Variants in FAM184B observed in about 807,000 individuals in gnomAD.
FAM184B encodes family with sequence similarity 184 member B.
A neutral mutation model predicts 135.9 loss-of-function variants in FAM184B; 111 were observed. The observed-to-expected ratio is 0.82, with a 90% CI of 0.70 to 0.96. The LOEUF is 0.96. Ranked by LOEUF, FAM184B falls within the 40% of genes least tolerant of loss-of-function variation. FAM184B has a pLI of 0.00. For missense variants in FAM184B, 1,375 were observed against 1,323.9 expected (o/e 1.04, Z -0.60); for synonymous variants, 552 against 524.8 (o/e 1.05, Z -0.71).
chr4:17,709,031 G>T lies in FAM184B; in HGVS notation c.755C>A (p.Ser252Ter), dbSNP rs1429898720. The change falls in exon 2 of 18, where the codon TCG (serine) becomes TAG (stop). Residue 252 changes from serine to a stop codon, truncating the protein, a stop_gained. Coordinates refer to ENST00000265018, the MANE Select transcript of FAM184B (RefSeq NM_015688.2). LOFTEE classifies it high-confidence loss of function. ...QALWQWQEKE[S>*]DLRKNFQVQE... ...GACCTGGAAGTTCTTGCGGAGGTCC[G>T]ACTCCTTCTCCTGCCACTGCCACAG... 2 of 1,550,084 alleles carry T rather than the reference G, an allele frequency of 1.3e-6. No homozygotes were observed. The highest frequency in any genetic ancestry group is 1.7e-6 in the Non-Finnish European group (2 of 1,146,930).
intron 7 of FAM184B, among the ~76,000 whole-genome samples, chr4:17,666,077 C>G (rs1716041667): frequency 6.6e-6 from 1 of 152,136 alleles, no homozygotes; most frequent in Admixed American, 6.6e-5. Flanking sequence ...ATTCTTTGCT[C>G]CCTCACTTCA....
At chr4:17,775,404 C>G (rs1409978179) in intron 1 of FAM184B, among the ~76,000 whole-genome samples, 1 of 152,132 alleles carries the variant, frequency 6.6e-6, no homozygotes, top group African/African-American at 2.4e-5. Context: ...CCAGGATGGT[C>G]TCCGTCTCCT....
intron 1 of FAM184B, among the ~76,000 whole-genome samples, chr4:17,720,751 T>C (rs2108972082): frequency 6.6e-6 from 1 of 151,100 alleles, no homozygotes; most frequent in Non-Finnish European, 1.5e-5. Flanking sequence ...CTGGGTGTGG[T>C]GGTGCACCCC....
At position 17,631,528 on chromosome 4, in the gene FAM184B, TATGGTC is replaced by T. The variant is rs1714943943; in HGVS notation, c.*998_*1003del. 6.6e-6 allele frequency: 1 copy of T among 152,262 alleles called. No individual in the cohort carries two copies. The highest frequency in any genetic ancestry group is 1.5e-5 in the Non-Finnish European group (1 of 68,044). 9.4% of individuals were successfully genotyped at this position (152,262 alleles called of 1,614,324 possible). ...CCTTCACAAGTGATCATGTTGGCACTATGGTCATTACACTGAGACCTATAACTGGGC... is the reference window on the plus strand; with the variant it reads ...CCTTCACAAGTGATCATGTTGGCACTATTACACTGAGACCTATAACTGGGC... On this transcript the variant is annotated 3_prime_UTR_variant, in exon 18 of 18. Transcript: ENST00000265018.
chr4:17,743,851 G>A (rs1386116909), intron 1 of FAM184B, among the ~76,000 whole-genome samples: 3 of 152,320 alleles, frequency 2.0e-5, no homozygotes, highest in East Asian at 3.9e-4. Context: ...CGTGCTGTAT[G>A]TCAGCAGTCT....
At chr4:17,715,423 CGAG>C (rs1179946332) in intron 1 of FAM184B, among the ~76,000 whole-genome samples, 7 of 151,948 alleles carry the variant, frequency 4.6e-5, no homozygotes, top group African/African-American at 9.7e-5. Context: ...TGCAGTGAGC[CGAG>C]ACTGCGCCAC....
chr4:17,705,344 CA>C, intron 4 of FAM184B, 138 bp from the exon 5 acceptor site: 2 of 699,870 alleles, frequency 2.9e-6, no homozygotes, highest in Non-Finnish European at 2.4e-6. Context: ...ATCAATTTTA[CA>C]AGACTATATA....
At chr4:17,766,102 A>G (rs371630238) in intron 1 of FAM184B, among the ~76,000 whole-genome samples, 1 of 152,204 alleles carries the variant, frequency 6.6e-6, no homozygotes, top group African/African-American at 2.4e-5. Flanking sequence ...TATTACAAAG[A>G]GCAAGATTGG....
intron 8 of FAM184B, among the ~76,000 whole-genome samples, chr4:17,661,215 A>G (rs1384797405): frequency 1.3e-5 from 2 of 152,312 alleles, no homozygotes; most frequent in Middle Eastern, 3.4e-3. Context: ...GTCAATATCT[A>G]TACTTAAAAC....
intron 1 of FAM184B, among the ~76,000 whole-genome samples, chr4:17,768,123 A>G (rs1440139221): frequency 6.6e-6 from 1 of 152,238 alleles, no homozygotes. Context: ...GATTTTGTTC[A>G]AGTATTTACA....
At chr4:17,744,395 C>T (rs80151965) in intron 1 of FAM184B, among the ~76,000 whole-genome samples, 195 of 151,658 alleles carry the variant, frequency 1.3e-3, no homozygotes, top group African/African-American at 4.5e-3. Flanking sequence ...GCTGAAGGCG[C>T]GAGGCAGGCC....
intron 1 of FAM184B, among the ~76,000 whole-genome samples, chr4:17,740,951 TA>T (rs932910103): frequency 6.6e-6 from 1 of 151,952 alleles, no homozygotes; most frequent in Admixed American, 6.6e-5. Flanking sequence ...TTACTTTTCT[TA>T]AAAAAAATAC....
intron 8 of FAM184B, among the ~76,000 whole-genome samples, chr4:17,664,076 C>T (rs529753668): frequency 2.6e-5 from 4 of 152,070 alleles, no homozygotes; most frequent in African/African-American, 9.7e-5. Flanking sequence ...GTGGAAACGA[C>T]CTAATATACC....
chr4:17,751,953 G>A (rs1191625412), intron 1 of FAM184B, among the ~76,000 whole-genome samples: 1 of 150,652 alleles, frequency 6.6e-6, no homozygotes, highest in Non-Finnish European at 1.5e-5. Context: ...AAGAAAAAAG[G>A]AGAACAGGAA....
At chr4:17,661,131 T>G (rs1715908948) in intron 8 of FAM184B, among the ~76,000 whole-genome samples, 1 of 152,216 alleles carries the variant, frequency 6.6e-6, no homozygotes, top group Non-Finnish European at 1.5e-5. Flanking sequence ...AAGATCTCAC[T>G]GAGATCTTGG....
At chr4:17,746,731 C>CAAA (rs575639086) in intron 1 of FAM184B, among the ~76,000 whole-genome samples, 11 of 110,400 alleles carry the variant, frequency 1.0e-4, no homozygotes, top group African/African-American at 2.6e-4. Context: ...GACACGGTCT[C>CAAA]AAAAAAAAAA....
intron 3 of FAM184B, among the ~76,000 whole-genome samples, chr4:17,707,126 G>A (rs1390134866): frequency 3.9e-5 from 6 of 151,930 alleles, no homozygotes; most frequent in East Asian, 1.9e-4. Flanking sequence ...TCATAGAGAT[G>A]GAGTCTCACT....
intron 1 of FAM184B, among the ~76,000 whole-genome samples, chr4:17,774,706 G>A (rs1718887603): frequency 1.3e-5 from 2 of 152,204 alleles, no homozygotes; most frequent in Admixed American, 6.5e-5. Context: ...CTTATAAGAT[G>A]GGCCTGGGCC....
chr4:17,705,890 A>G lies in FAM184B; in HGVS notation c.1032T>C (p.Asp344=). Residue 344 remains aspartate (D), a splice_region_variant and synonymous_variant, in exon 4 of 18, where the codon GAT becomes GAC. Coordinates refer to ENST00000265018, the MANE Select transcript of FAM184B (RefSeq NM_015688.2). ...CTGAAACTAACTCAGTCTTCATGGCATCTGCAAGCATACATTTCAGCATTA... is the reference window on the plus strand; with the variant it reads ...CTGAAACTAACTCAGTCTTCATGGCGTCTGCAAGCATACATTTCAGCATTA... ...LQECRGTQQT[D]AMKTELVSEN... 2 of 1,552,226 alleles carry G rather than the reference A, an allele frequency of 1.3e-6. No homozygotes were observed. Among genetic ancestry groups the G allele is most frequent in the Non-Finnish European group, 1.7e-6 (2 of 1,147,114 alleles).
Sources: gnomAD v4.1 joint callset for allele counts (sites outside exome capture counted in the v4.1 genomes callset) on GRCh38, gnomAD v4.1.1 for gene constraint, MANE v1.5 for transcripts, NCBI Gene and HGNC (gene_info 2026-07-23, HGNC 2026-07-21) for gene names.